Variants in ACACB observed in about 807,000 individuals in gnomAD.
ACACB encodes acetyl-CoA carboxylase beta.
Under a neutral mutation model 278.8 loss-of-function variants are expected in ACACB, and 209 were observed. That is an observed-to-expected ratio of 0.75 (90% confidence interval 0.67 to 0.84). The LOEUF (loss-of-function observed/expected upper bound fraction) is 0.84, where lower values mean the gene tolerates loss of function less well. Among genes scored for constraint, ACACB ranks in the 40% least tolerant of loss-of-function variants. The pLI is 0.00. For synonymous variants in ACACB, 1,174 were observed against 1,285.6 expected, an observed-to-expected ratio of 0.91 and a Z score of 1.86; for missense variants, 2,850 against 3,269.0, an observed-to-expected ratio of 0.87 and a Z score of 3.13.
chr12:109,216,804 G>T lies in ACACB; in HGVS notation c.3448G>T (p.Asp1150Tyr), dbSNP rs146920013. The T allele has an allele frequency of 6.2e-7, 1 of 1,614,094 alleles. No homozygotes were observed. The highest frequency in any genetic ancestry group is 1.7e-5 in the Admixed American group (1 of 60,002). ...TGTTTTGTCTCCCCCAGCCCACTAC[G>T]ACAAGTGTGTGATAAACCTCAGGGA... ...VEHHFQQAHY[D>Y]KCVINLREQF... is the part of the protein sequence containing the mutation. Residue 1150 changes from aspartate to tyrosine, a missense_variant, in exon 24 of 53, where the codon GAC (aspartate) becomes TAC (tyrosine). This residue lies in a region of ACACB where 2,265 missense variants were observed against 2,561.3 expected (regional missense o/e 0.88). Transcript: ENST00000338432.
At chr12:109,168,722 T>C (rs1215475338) in intron 4 of ACACB, among the ~76,000 whole-genome samples, 2 of 152,130 alleles carry the variant, frequency 1.3e-5, no homozygotes, top group African/African-American at 4.8e-5. Flanking sequence ...CTCAGGAAGC[T>C]GAGGTGGGAG....
chr12:109,188,128 T>TTC lies in ACACB; in HGVS notation c.2113_2114dup (p.Trp706ProfsTer17). 6.2e-7 allele frequency: 1 copy of TTC among 1,611,530 alleles called. No homozygotes were observed. The highest frequency in any genetic ancestry group is 8.5e-7 in the Non-Finnish European group (1 of 1,177,864). On this transcript the variant is annotated frameshift_variant, in exon 13 of 53. Transcript: ENST00000338432. LOFTEE classifies it high-confidence loss of function. ...TGCGGATTCCCAATTTGGGCACTGC[T>TTC]TCTCCTGGGGAGAGAACCGGGAAGA...
chr12:109,116,733 C>G (rs1022519369), intron 1 of ACACB, 29 bp downstream of exon 1: 3 of 152,172 alleles, frequency 2.0e-5, no homozygotes, highest in Non-Finnish European at 2.9e-5. Context: ...CCCCGGGGTC[C>G]GGACCATTCT....
intron 2 of ACACB, among the ~76,000 whole-genome samples, chr12:109,147,900 A>G (rs1310989617): frequency 6.6e-6 from 1 of 152,246 alleles, no homozygotes; most frequent in Non-Finnish European, 1.5e-5. Flanking sequence ...GCTCTTTAGC[A>G]GCAGTAAATT....
intron 20 of ACACB, among the ~76,000 whole-genome samples, chr12:109,208,925 C>A (rs2045598886): frequency 6.6e-6 from 1 of 152,204 alleles, no homozygotes; most frequent in South Asian, 2.1e-4. Flanking sequence ...CCACACCATG[C>A]TGGCTTTCTG....
intron 19 of ACACB, 68 bp from the exon 20 acceptor site, chr12:109,206,642 G>A (rs12818490): frequency 0.31 from 496,741 of 1,587,838 alleles, 79,524 homozygotes; most frequent in Non-Finnish European, 0.33. Context: ...CCTGCCTCCC[G>A]TTCTGCCCGG....
At position 109,222,873 on chromosome 12, in the gene ACACB, T is replaced by C; in HGVS notation, c.3753T>C (p.Ile1251=). 6.2e-7 allele frequency: 1 copy of C among 1,613,700 alleles called. No homozygotes were observed. Among genetic ancestry groups the C allele is most frequent in the Non-Finnish European group, 8.5e-7 (1 of 1,179,852 alleles). ...TGGAGTCCATTTTCCTGTCTGCCAT[T>C]GACATGTACGGCCACCAGTTCTGCC... is the stretch of plus-strand genomic sequence containing the variant. ...NQVESIFLSA[I]DMYGHQFCPE... is the part of the protein sequence containing the mutation. Residue 1251 remains isoleucine (I), a synonymous_variant, in exon 26 of 53, where the codon ATT becomes ATC. Transcript: ENST00000338432.
At position 109,179,123 on chromosome 12, in the gene ACACB, C is replaced by G. The variant is rs374690617; in HGVS notation, c.1473C>G (p.Leu491=). The stretch of plus-strand genomic sequence containing the variant: ...AGATCCCAGGCTCGCCCATCTTTCT[C>G]ATGAAGCTGGCCCAGCACGCCCGTC... ...QSEIPGSPIF[L]MKLAQHARHL... Residue 491 remains leucine, a synonymous_variant, in exon 10 of 53, where the codon CTC becomes CTG. Transcript: ENST00000338432. 1 of 1,613,816 alleles carries G rather than the reference C, an allele frequency of 6.2e-7. No individual in the cohort carries two copies. Among genetic ancestry groups the G allele is most frequent in the South Asian group, 1.1e-5 (1 of 90,990 alleles).
At chr12:109,149,329 G>A (rs145908002) in intron 2 of ACACB, among the ~76,000 whole-genome samples, 1 of 152,092 alleles carries the variant, frequency 6.6e-6, no homozygotes, top group Non-Finnish European at 1.5e-5. Context: ...CCTTCTCAGG[G>A]GCCAGACTGG....
intron 42 of ACACB, chr12:109,252,411 C>G: frequency 3.2e-6 from 1 of 316,828 alleles, no homozygotes; most frequent in Non-Finnish European, 5.7e-6. Flanking sequence ...TGCCATTACA[C>G]ATTGCAGAAA....
At chr12:109,179,054 C>T in intron 9 of ACACB, 34 bp from the exon 10 acceptor site, 1 of 1,594,892 alleles carries the variant, frequency 6.3e-7, no homozygotes. Context: ...CTGGTTTCCC[C>T]ATGAAGATCA....
In ACACB at chr12:109,266,594, C is replaced by A; in HGVS notation, c.*232C>A. The A allele has an allele frequency of 2.6e-6, 1 of 384,090 alleles. No individual in the cohort carries two copies. The highest frequency in any genetic ancestry group is 4.5e-6 in the Non-Finnish European group (1 of 221,886). 23.8% of individuals were successfully genotyped at this position (384,090 alleles called of 1,614,324 possible). ...AGCTGGGAAGTTTATTTTGTTTTGT[C>A]TCTGAAGACAGCAGTTTTATTGCAT... is the stretch of plus-strand genomic sequence containing the variant. On this transcript the variant is annotated 3_prime_UTR_variant, in exon 53 of 53. Transcript: ENST00000338432.
chr12:109,127,344 TATTA>T (rs1210229522), intron 1 of ACACB, among the ~76,000 whole-genome samples: 1 of 151,848 alleles, frequency 6.6e-6, no homozygotes, highest in African/African-American at 2.4e-5. Flanking sequence ...TTATTGGTAT[TATTA>T]ATTATTAGGA....
At chr12:109,244,457 A>T (rs181644520) in intron 37 of ACACB, among the ~76,000 whole-genome samples, 1 of 152,328 alleles carries the variant, frequency 6.6e-6, no homozygotes, top group African/African-American at 2.4e-5. Context: ...TGGGCGCTTA[A>T]TAAGTGGAAA....
At position 109,209,289 on chromosome 12, in the gene ACACB, G is replaced by A. The variant is rs775085787; in HGVS notation, c.3185G>A (p.Arg1062His). 7.4e-6 allele frequency: 12 copies of A among 1,612,536 alleles called. No individual in the cohort carries two copies. The highest frequency in any genetic ancestry group is 4.5e-5 in the East Asian group (2 of 44,890). The part of the protein sequence containing the change: ...RIPAPVEKSV[R>H]RVMAQYASNI... Reference sequence around the variant, plus strand: ...CCCGCCCCTGTGGAGAAGTCTGTCCGCAGGGTGATGGCCCAGTATGCCAGC... The same window carrying A: ...CCCGCCCCTGTGGAGAAGTCTGTCCACAGGGTGATGGCCCAGTATGCCAGC... Residue 1062 changes from arginine to histidine, a missense_variant, in exon 21 of 53, where the codon CGC becomes CAC. This residue lies in a region of ACACB where 2,265 missense variants were observed against 2,561.3 expected (regional missense o/e 0.88). Coordinates refer to ENST00000338432, the MANE Select transcript of ACACB (RefSeq NM_001093.4).
chr12:109,189,809 C>T (rs1395458861), intron 13 of ACACB, among the ~76,000 whole-genome samples: 1 of 152,162 alleles, frequency 6.6e-6, no homozygotes, highest in Non-Finnish European at 1.5e-5. Flanking sequence ...CAGGATGCTG[C>T]AAGACATGAA....
chr12:109,221,295 G>T (rs2046153337), intron 24 of ACACB, among the ~76,000 whole-genome samples: 2 of 152,178 alleles, frequency 1.3e-5, no homozygotes, highest in Non-Finnish European at 2.9e-5. Context: ...CTACCATCTG[G>T]TGACCTCTTG....
chr12:109,186,595 C>G (rs753384598), intron 12 of ACACB, among the ~76,000 whole-genome samples: 4 of 152,256 alleles, frequency 2.6e-5, no homozygotes, highest in Non-Finnish European at 5.9e-5. Context: ...TACATGCATA[C>G]CGACCGTTGA....
rs1203984531 is a variant in ACACB, at chr12:109,242,183, G to A, written c.5023-254G>A. The stretch of plus-strand genomic sequence containing the variant: ...TTCACCAGCGTTTCCATGCATGCCT[G>A]TTGTTGGGAGTGTGTGATGCCTTGA... On this transcript the variant is annotated intron_variant, in intron 36 of 52. Transcript: ENST00000338432. 9.4e-6 allele frequency: 4 copies of A among 426,956 alleles called. No homozygotes were observed. The South Asian group carries it at 1.2e-4, about 12-fold the overall frequency. 26.4% of individuals were successfully genotyped at this position (426,956 alleles called of 1,614,324 possible).
Sources: gnomAD v4.1 joint callset for allele counts (sites outside exome capture counted in the v4.1 genomes callset) on GRCh38, gnomAD v4.1.1 for gene constraint, gnomAD v4.1.1 regional missense constraint, MANE v1.5 for transcripts, NCBI Gene and HGNC (gene_info 2026-07-23, HGNC 2026-07-21) for gene names.